SUGCT: variants seen among roughly 807,000 people sequenced by gnomAD.
SUGCT encodes the protein succinyl-CoA:glutarate-CoA transferase.
In SUGCT, 41 loss-of-function variants were observed where a neutral mutation model predicts 55.0. The ratio of observed to expected loss-of-function variants is 0.74; its 90% CI spans 0.58 to 0.97. SUGCT has a LOEUF of 0.97. SUGCT is among the 50% of genes least tolerant of loss of function. SUGCT has a pLI of 0.00. For synonymous variants in SUGCT, 187 were observed against 200.4 expected (o/e 0.93, Z 0.56); for missense variants, 568 against 547.8 (o/e 1.04, Z -0.37).
chr7:40,473,878 G>T (rs1790524269), intron 11 of SUGCT, among the ~76,000 whole-genome samples: 1 of 152,116 alleles, frequency 6.6e-6, no homozygotes, highest in South Asian at 2.1e-4. Context: ...GACAGGGTGG[G>T]TAAAAACCTA....
intron 9 of SUGCT, among the ~76,000 whole-genome samples, chr7:40,371,850 T>C (rs1341086638): frequency 1.3e-5 from 2 of 152,194 alleles, no homozygotes; most frequent in Non-Finnish European, 2.9e-5. Flanking sequence ...TTCTTCCATC[T>C]AATTTAAAAA....
At chr7:40,630,513 TA>T (rs891134344) in intron 12 of SUGCT, among the ~76,000 whole-genome samples, 2 of 151,992 alleles carry the variant, frequency 1.3e-5, no homozygotes, top group Non-Finnish European at 2.9e-5. Context: ...TGTTTTTGGT[TA>T]AAAAAAAGAT....
chr7:40,400,927 G>A (rs1304262360), intron 9 of SUGCT, among the ~76,000 whole-genome samples: 1 of 152,086 alleles, frequency 6.6e-6, no homozygotes, highest in East Asian at 1.9e-4. Flanking sequence ...TTTGAACAAG[G>A]CCAGATGGAA....
the SUGCT span, among the ~76,000 whole-genome samples, chr7:40,991,440 A>G: frequency 3.9e-5 from 6 of 152,364 alleles, no homozygotes; most frequent in African/African-American, 1.2e-4. Flanking sequence ...AAAATGTGAC[A>G]CAGAGACACG....
chr7:40,574,266 A>G (rs868441956), intron 12 of SUGCT, among the ~76,000 whole-genome samples: 1 of 152,080 alleles, frequency 6.6e-6, no homozygotes. Flanking sequence ...TTATTCATTC[A>G]CTTATCTCTT....
At chr7:40,972,726 G>A in the SUGCT span, among the ~76,000 whole-genome samples, 2 of 152,154 alleles carry the variant, frequency 1.3e-5, no homozygotes, top group South Asian at 4.1e-4. Flanking sequence ...TATCCAGCAA[G>A]GTGTGTTGTA....
intron 9 of SUGCT, among the ~76,000 whole-genome samples, chr7:40,418,456 T>G (rs1787128409): frequency 6.6e-6 from 1 of 152,230 alleles, no homozygotes; most frequent in Non-Finnish European, 1.5e-5. Context: ...CTGCACATTT[T>G]TATTACCAGC....
intron 13 of SUGCT, among the ~76,000 whole-genome samples, chr7:40,822,202 A>G (rs1357752813): frequency 6.6e-6 from 1 of 152,162 alleles, no homozygotes; most frequent in Non-Finnish European, 1.5e-5. Context: ...TCAATTTTGT[A>G]ATAAGTGCGA....
intron 12 of SUGCT, among the ~76,000 whole-genome samples, chr7:40,665,451 A>G (rs1252801037): frequency 6.7e-6 from 1 of 149,914 alleles, no homozygotes; most frequent in Admixed American, 6.7e-5. Context: ...AAATAAATAA[A>G]TAAATAAATA....
intron 6 of SUGCT, among the ~76,000 whole-genome samples, chr7:40,207,055 CA>C (rs1787016131): frequency 6.6e-6 from 1 of 151,874 alleles, no homozygotes; most frequent in East Asian, 1.9e-4. Flanking sequence ...AAAAATTAGC[CA>C]AGTGTGGTGG....
At chr7:40,239,205 A>T (rs1789203229) in intron 7 of SUGCT, among the ~76,000 whole-genome samples, 1 of 152,048 alleles carries the variant, frequency 6.6e-6, no homozygotes, top group Non-Finnish European at 1.5e-5. Flanking sequence ...CTCAGCCTCC[A>T]ACATAGCTTG....
chr7:40,368,883 C>T (rs1345191735), intron 9 of SUGCT, among the ~76,000 whole-genome samples: 1 of 152,034 alleles, frequency 6.6e-6, no homozygotes, highest in Non-Finnish European at 1.5e-5. Context: ...GAGGGCGAAT[C>T]ACCTGAGGTC....
chr7:40,412,941 A>T (rs1055694528), intron 9 of SUGCT, among the ~76,000 whole-genome samples: 1 of 152,150 alleles, frequency 6.6e-6, no homozygotes, highest in African/African-American at 2.4e-5. Context: ...TTTACCTCTT[A>T]CATTTTATAT....
the SUGCT span, among the ~76,000 whole-genome samples, chr7:40,934,643 C>A: frequency 1.4e-5 from 2 of 138,104 alleles, no homozygotes; most frequent in Non-Finnish European, 1.5e-5. Context: ...CAAGCCTCAG[C>A]AATGGTGGAC....
At chr7:40,437,640 A>G (rs1788250426) in intron 9 of SUGCT, among the ~76,000 whole-genome samples, 1 of 152,170 alleles carries the variant, frequency 6.6e-6, no homozygotes, top group Non-Finnish European at 1.5e-5. Context: ...GCCCAGTTCC[A>G]GTGCCATAAG....
intron 9 of SUGCT, among the ~76,000 whole-genome samples, chr7:40,322,723 C>T (rs1057207998): frequency 2.0e-5 from 3 of 152,038 alleles, no homozygotes; most frequent in East Asian, 3.9e-4. Context: ...ACTACTGATG[C>T]GGGAGGATTG....
the SUGCT span, among the ~76,000 whole-genome samples, chr7:40,870,995 T>A: frequency 3.7e-4 from 56 of 152,178 alleles, no homozygotes; most frequent in Non-Finnish European, 7.1e-4. Context: ...ATGTTCAGGA[T>A]CATGTTGTAT....
intron 11 of SUGCT, among the ~76,000 whole-genome samples, chr7:40,465,066 GTCA>G (rs774366358): frequency 2.0e-5 from 3 of 152,188 alleles, no homozygotes; most frequent in Non-Finnish European, 2.9e-5. Context: ...TTTACGTTAT[GTCA>G]TCATAAATAA....
In SUGCT at chr7:40,541,129, C is replaced by G. The variant is rs142813685; in HGVS notation, c.1089+44743C>G. The stretch of plus-strand genomic sequence containing the variant: ...TTAATTTAAAAATGCCCTCCAGGCT[C>G]TATAAGCTAAATGGCCAAGAAAAAT... On this transcript the variant is annotated intron_variant, in intron 12 of 13. Transcript: ENST00000335693. 2.1e-3 allele frequency among the ~76,000 whole-genome samples: 313 copies of G among 152,156 alleles called. 1 individual carries two copies. Among genetic ancestry groups the G allele is most frequent in the Middle Eastern group, 6.8e-3 (2 of 294 alleles).
Sources: allele counts gnomAD v4.1 joint callset (sites outside exome capture counted in the v4.1 genomes callset), GRCh38; gene constraint gnomAD v4.1.1; transcripts MANE v1.5; gene names NCBI Gene and HGNC (gene_info 2026-07-23, HGNC 2026-07-21).